The following RBMS3 variants were observed in gnomAD, a reference collection of about 807,000 sequenced individuals.
RBMS3 encodes the protein RNA-binding motif, single-stranded-interacting protein 3.
In RBMS3, 27 loss-of-function variants were observed where a neutral mutation model predicts 66.8. That is an observed-to-expected ratio of 0.40 (90% CI 0.30 to 0.56). The LOEUF (loss-of-function observed/expected upper bound fraction) is 0.56. Among genes scored for constraint, RBMS3 ranks in the 20% least tolerant of loss-of-function variants. The pLI, the probability that RBMS3 is intolerant of heterozygous loss-of-function variation, is 0.40. For missense variants in RBMS3, 513 were observed against 549.5 expected (o/e 0.93, Z 0.66); for synonymous variants, 188 against 183.0 (o/e 1.03, Z -0.22).
chr3:29,482,701 C>CTTTCTTTCTTTTT (rs759435190), intron 2 of RBMS3, among the ~76,000 whole-genome samples: 3 of 77,514 alleles, frequency 3.9e-5, no homozygotes, highest in Non-Finnish European at 6.8e-5. Context: ...TTCTTTCTTT[C>CTTTCTTTCTTTTT]TTTTTTTTTT....
chr3:29,799,954 A>C (rs6784690), intron 6 of RBMS3, among the ~76,000 whole-genome samples: 87,015 of 151,922 alleles, frequency 0.57, 25,587 homozygotes, highest in African/African-American at 0.65. Flanking sequence ...GCCTTTGTTC[A>C]TCATGGACAA....
At chr3:29,658,268 C>T (rs2050395508) in intron 4 of RBMS3, among the ~76,000 whole-genome samples, 1 of 152,092 alleles carries the variant, frequency 6.6e-6, no homozygotes, top group Admixed American at 6.6e-5. Context: ...GAGAAGAAAA[C>T]CATCTTCTTA....
At chr3:29,514,648 C>CATATATATATATATATATAT (rs1491498729) in intron 3 of RBMS3, among the ~76,000 whole-genome samples, 1 of 47,952 alleles carries the variant, frequency 2.1e-5, no homozygotes, top group Non-Finnish European at 3.3e-5. Context: ...GTGTGATAGG[C>CATATATATATATATATATAT]ACATATATAT....
intron 2 of RBMS3, among the ~76,000 whole-genome samples, chr3:29,483,304 C>G (rs1326979495): frequency 8.8e-6 from 1 of 113,288 alleles, no homozygotes; most frequent in Non-Finnish European, 1.7e-5. Flanking sequence ...GCAACTTCGT[C>G]TTAACAAAAA....
chr3:29,981,845 A>G (rs534343693), intron 12 of RBMS3, among the ~76,000 whole-genome samples: 8 of 152,014 alleles, frequency 5.3e-5, no homozygotes, highest in African/African-American at 1.9e-4. Flanking sequence ...TTTATTGAGG[A>G]TTTTTGCATT....
intron 4 of RBMS3, among the ~76,000 whole-genome samples, chr3:29,699,745 A>C (rs1245149221): frequency 6.6e-6 from 1 of 152,102 alleles, no homozygotes; most frequent in Non-Finnish European, 1.5e-5. Context: ...GACATATTAC[A>C]CCCCCATACA....
At chr3:29,599,154 A>AT (rs373952565) in intron 4 of RBMS3, among the ~76,000 whole-genome samples, 19,498 of 144,094 alleles carry the variant, frequency 0.14, 1,340 homozygotes, top group African/African-American at 0.19. Context: ...GAGAGTGGAG[A>AT]TTTTTTTTTT....
intron 2 of RBMS3, among the ~76,000 whole-genome samples, chr3:29,455,421 T>C (rs532611043): frequency 6.6e-6 from 1 of 152,178 alleles, no homozygotes; most frequent in South Asian, 2.1e-4. Flanking sequence ...AATGTTTTTC[T>C]ATGAAGTCAC....
At chr3:29,820,188 C>CAAAAAAAAAAAAAAAAAA (rs71091078) in intron 6 of RBMS3, among the ~76,000 whole-genome samples, 2 of 69,820 alleles carry the variant, frequency 2.9e-5, no homozygotes, top group Non-Finnish European at 5.1e-5. Flanking sequence ...GACTTCTTCT[C>CAAAAAAAAAAAAAAAAAA]AAAAAAAAAA....
At chr3:29,297,373 T>C (rs767343961) in intron 1 of RBMS3, among the ~76,000 whole-genome samples, 1 of 151,798 alleles carries the variant, frequency 6.6e-6, no homozygotes, top group Admixed American at 6.6e-5. Context: ...GTGATAATGG[T>C]AAGGAGAGGG....
chr3:29,701,812 G>T (rs1464622438), intron 4 of RBMS3, among the ~76,000 whole-genome samples: 7 of 151,412 alleles, frequency 4.6e-5, no homozygotes, highest in Admixed American at 4.6e-4. Flanking sequence ...TCCCAGCGGG[G>T]CAGGGCTTGG....
chr3:29,532,237 C>CATATATATATATATATATATATATAT (rs71688232), intron 3 of RBMS3, among the ~76,000 whole-genome samples: 1 of 92,138 alleles, frequency 1.1e-5, no homozygotes, highest in East Asian at 2.8e-4. Context: ...TTTAATTTCG[C>CATATATATATATATATATATATATAT]ATATATATGT....
intron 3 of RBMS3, among the ~76,000 whole-genome samples, chr3:29,507,288 C>T (rs1216331942): frequency 6.6e-6 from 1 of 151,602 alleles, no homozygotes; most frequent in Non-Finnish European, 1.5e-5. Context: ...TTTTTTTCTA[C>T]AGAAATAATG....
intron 2 of RBMS3, among the ~76,000 whole-genome samples, chr3:29,452,341 C>A (rs150703870): frequency 6.6e-6 from 1 of 152,060 alleles, no homozygotes. Flanking sequence ...AATGAGAAAA[C>A]CCATGGCTTA....
chr3:29,932,933 G>C (rs1391196848), intron 10 of RBMS3, among the ~76,000 whole-genome samples: 1 of 152,122 alleles, frequency 6.6e-6, no homozygotes, highest in East Asian at 1.9e-4. Flanking sequence ...TTTTGCAAAG[G>C]CAGTGGCTAA....
At chr3:29,447,526 CA>C (rs1233922793) in intron 2 of RBMS3, among the ~76,000 whole-genome samples, 1 of 152,076 alleles carries the variant, frequency 6.6e-6, no homozygotes, top group Non-Finnish European at 1.5e-5. Flanking sequence ...TTCTCTGTTC[CA>C]AAGTTTCTCT....
chr3:29,535,698 G>C (rs3773059), intron 3 of RBMS3, among the ~76,000 whole-genome samples: 44,727 of 120,716 alleles, frequency 0.37, 8,054 homozygotes, highest in Middle Eastern at 0.47. Context: ...TTCAATGATT[G>C]AGATCATTGC....
chr3:29,826,355 A>G (rs906861881), intron 6 of RBMS3, among the ~76,000 whole-genome samples: 7 of 152,110 alleles, frequency 4.6e-5, no homozygotes, highest in Non-Finnish European at 8.8e-5. Context: ...TTTCTACAAG[A>G]TGAAATTCAG....
chr3:29,690,474 G>C (rs2051953947), intron 4 of RBMS3, among the ~76,000 whole-genome samples: 1 of 152,152 alleles, frequency 6.6e-6, no homozygotes, highest in African/African-American at 2.4e-5. Flanking sequence ...AAATTTTTCT[G>C]TTATAACTGA....
Sources: allele counts gnomAD v4.1 joint callset (sites outside exome capture counted in the v4.1 genomes callset), GRCh38; gene constraint gnomAD v4.1.1; transcripts MANE v1.5; gene names NCBI Gene and HGNC (gene_info 2026-07-23, HGNC 2026-07-21).